Variants in HYCC1 observed in about 807,000 individuals in gnomAD.
HYCC1 encodes hyccin PI4KA lipid kinase complex subunit 1, also known as hyccin.
the HYCC1 span, among the ~76,000 whole-genome samples, chr7:22,930,013 T>TA: frequency 6.6e-6 from 1 of 151,758 alleles, no homozygotes; most frequent in African/African-American, 2.4e-5. Context: ...TATGCAGCCA[T>TA]AAAAAATGAT....
At chr7:22,964,386 G>T in the HYCC1 span, 1 of 1,216,426 alleles carries the variant, frequency 8.2e-7, no homozygotes, top group Non-Finnish European at 1.2e-6. Context: ...GAAATTAAAT[G>T]TTTATTTCGC....
At chr7:23,012,415 G>A in the HYCC1 span, among the ~76,000 whole-genome samples, 7 of 152,300 alleles carry the variant, frequency 4.6e-5, 1 homozygote, top group South Asian at 1.5e-3. Context: ...TAATGCCGAT[G>A]ACTAAGAAGG....
the HYCC1 span, among the ~76,000 whole-genome samples, chr7:22,904,430 CAAA>C: frequency 4.5e-5 from 6 of 132,216 alleles, no homozygotes; most frequent in East Asian, 2.2e-4. Context: ...GACTCTGTCT[CAAA>C]AAAAAAAAAA....
the HYCC1 span, chr7:22,939,136 A>C: frequency 6.6e-6 from 1 of 152,202 alleles, no homozygotes; most frequent in African/African-American, 2.4e-5. Flanking sequence ...TAATTTATCT[A>C]TTCCTCTATT....
chr7:22,928,575 T>G, the HYCC1 span, among the ~76,000 whole-genome samples: 2 of 152,128 alleles, frequency 1.3e-5, no homozygotes, highest in African/African-American at 2.4e-5. Context: ...ACGAGTGAAC[T>G]CCCATTCACA....
chr7:22,965,541 T>C, the HYCC1 span, among the ~76,000 whole-genome samples: 1 of 144,914 alleles, frequency 6.9e-6, no homozygotes. Context: ...GTTCGGTACA[T>C]GTGTCCCAGA....
the HYCC1 span, among the ~76,000 whole-genome samples, chr7:22,926,290 C>T: frequency 6.6e-6 from 1 of 152,060 alleles, no homozygotes; most frequent in African/African-American, 2.4e-5. Context: ...AGCAAAATAA[C>T]CAGCTAACAT....
chr7:23,011,125 G>A, the HYCC1 span, among the ~76,000 whole-genome samples: 4 of 152,234 alleles, frequency 2.6e-5, no homozygotes, highest in African/African-American at 9.6e-5. Context: ...CTTTCCTGAT[G>A]GTCCTCCTAC....
chr7:22,927,337 C>T, the HYCC1 span, among the ~76,000 whole-genome samples: 2 of 151,638 alleles, frequency 1.3e-5, no homozygotes, highest in Non-Finnish European at 2.9e-5. Flanking sequence ...AAGATCAGAG[C>T]AGAACTGAAG....
the HYCC1 span, among the ~76,000 whole-genome samples, chr7:22,911,704 G>A: frequency 0.016 from 2,392 of 152,302 alleles, 66 homozygotes; most frequent in African/African-American, 0.055. Flanking sequence ...GTTGCAGTGA[G>A]CTGAGATCGC....
At chr7:22,916,341 T>C in the HYCC1 span, among the ~76,000 whole-genome samples, 1 of 152,132 alleles carries the variant, frequency 6.6e-6, no homozygotes, top group Non-Finnish European at 1.5e-5. Context: ...CCCAATATTC[T>C]GCTCTAGATA....
the HYCC1 span, among the ~76,000 whole-genome samples, chr7:22,930,208 G>T: frequency 5.2e-5 from 6 of 116,186 alleles, no homozygotes; most frequent in Non-Finnish European, 8.6e-5. Context: ...GGGGGGAGGG[G>T]GGAGGGATAG....
chr7:22,962,545 A>T, the HYCC1 span, among the ~76,000 whole-genome samples: 64,665 of 150,382 alleles, frequency 0.43, 14,200 homozygotes, highest in African/African-American at 0.54. Flanking sequence ...CCCCCCAGCG[A>T]ACAAGTGAAG....
chr7:22,898,641 C>T, the HYCC1 span, among the ~76,000 whole-genome samples: 1 of 142,750 alleles, frequency 7.0e-6, no homozygotes, highest in Non-Finnish European at 1.5e-5. Flanking sequence ...CTCGTTCTGT[C>T]GCCCAGCCTG....
At chr7:22,947,949 G>A in the HYCC1 span, among the ~76,000 whole-genome samples, 1 of 151,986 alleles carries the variant, frequency 6.6e-6, no homozygotes, top group African/African-American at 2.4e-5. Context: ...CATAAATTTA[G>A]TTCATTACTA....
chr7:22,929,082 C>A, the HYCC1 span, among the ~76,000 whole-genome samples: 36 of 152,234 alleles, frequency 2.4e-4, no homozygotes, highest in Non-Finnish European at 3.7e-4. Flanking sequence ...CAAAAACAAG[C>A]AATGGGGAAA....
At chr7:22,942,883 T>C in the HYCC1 span, 1 of 152,310 alleles carries the variant, frequency 6.6e-6, no homozygotes, top group African/African-American at 2.4e-5. Flanking sequence ...GTAATCCTTA[T>C]TTGAAATAGT....
At chr7:22,902,154 A>G in the HYCC1 span, among the ~76,000 whole-genome samples, 4 of 152,144 alleles carry the variant, frequency 2.6e-5, no homozygotes, top group Admixed American at 2.6e-4. Flanking sequence ...AAATATTTGG[A>G]AATTAAATGC....
At chr7:22,899,837 C>CT in the HYCC1 span, among the ~76,000 whole-genome samples, 4 of 151,686 alleles carry the variant, frequency 2.6e-5, no homozygotes, top group Non-Finnish European at 4.4e-5. Context: ...CCAAATTAAT[C>CT]TTTTTTTTCT....
Sources: allele counts gnomAD v4.1 joint callset (sites outside exome capture counted in the v4.1 genomes callset), GRCh38; gene constraint gnomAD v4.1.1; transcripts MANE v1.5; gene names NCBI Gene and HGNC (gene_info 2026-07-23, HGNC 2026-07-21).